The following PLCH2 variants were observed in gnomAD, a reference collection of about 807,000 sequenced individuals.
PLCH2 encodes the protein 1-phosphatidylinositol 4,5-bisphosphate phosphodiesterase eta-2.
Under a neutral mutation model 134.7 loss-of-function variants are expected in PLCH2, and 98 were observed. The observed-to-expected ratio is 0.73, with a 90% CI of 0.62 to 0.86. The LOEUF is 0.86. PLCH2 is among the 40% of genes least tolerant of loss of function. The probability of loss-of-function intolerance (pLI) is 0.00; values close to 1 mark genes in which losing one functional copy is unlikely to be tolerated. For synonymous variants in PLCH2, 974 were observed against 827.5 expected (o/e 1.18, Z -3.04); for missense variants, 1,994 against 1,986.6 (o/e 1.00, Z -0.07).
At chr1:2,459,634 C>T (rs541679937) in intron 2 of PLCH2, among the ~76,000 whole-genome samples, 1 of 30,732 alleles carries the variant, frequency 3.3e-5, no homozygotes, top group African/African-American at 1.1e-4. Context: ...TCCTCCTTGC[C>T]TGTGGTCTTC....
chr1:2,463,972 G>A (rs770716403), upstream of PLCH2, among the ~76,000 whole-genome samples: 9 of 152,226 alleles, frequency 5.9e-5, no homozygotes, highest in Non-Finnish European at 8.8e-5. Flanking sequence ...TGCCCTTCCC[G>A]GCTCCTGTCT....
chr1:2,496,431 C>G (rs1397060430), intron 13 of PLCH2, among the ~76,000 whole-genome samples, 176 bp from the exon 14 acceptor site: 1 of 152,246 alleles, frequency 6.6e-6, no homozygotes. Context: ...CAGCCCACAT[C>G]CTGCCCAGCA....
intron 15 of PLCH2, 101 bp from the exon 16 acceptor site, chr1:2,497,401 C>A (rs1389560732): frequency 2.7e-6 from 2 of 744,862 alleles, no homozygotes; most frequent in East Asian, 5.7e-5. Flanking sequence ...GGCAGATACG[C>A]GGCAGCTGTG....
chr1:2,422,533 T>C (rs75236747), upstream of PLCH2, among the ~76,000 whole-genome samples: 2,940 of 152,300 alleles, frequency 0.019, 40 homozygotes, highest in Non-Finnish European at 0.031. Flanking sequence ...TCTCTGATGG[T>C]ACACCCGGAC....
upstream of PLCH2, among the ~76,000 whole-genome samples, chr1:2,476,155 GC>G: frequency 1.3e-5 from 2 of 152,296 alleles, no homozygotes; most frequent in South Asian, 4.1e-4. Flanking sequence ...GTGGCCTGGG[GC>G]CTTGGGAAAC....
At chr1:2,488,955 G>A (rs1385453006) in intron 8 of PLCH2, among the ~76,000 whole-genome samples, 1 of 152,076 alleles carries the variant, frequency 6.6e-6, no homozygotes, top group Non-Finnish European at 1.5e-5. Context: ...TCTTATTGGG[G>A]AAAGCAGCTC....
At chr1:2,487,050 C>T (rs1642324167) in intron 6 of PLCH2, 50 bp downstream of exon 6, 1 of 1,532,712 alleles carries the variant, frequency 6.5e-7, no homozygotes, top group Admixed American at 1.9e-5. Flanking sequence ...GCTGGAGGGG[C>T]AACGAGGGCC....
chr1:2,478,287 G>T (rs1557994932), intron 1 of PLCH2, among the ~76,000 whole-genome samples, 189 bp from the exon 2 acceptor site: 1 of 152,210 alleles, frequency 6.6e-6, no homozygotes. Flanking sequence ...AGGTGGCCCT[G>T]GGCTCTGGCC....
At chr1:2,463,751 C>T (rs779145831), upstream of PLCH2, among the ~76,000 whole-genome samples, 6 of 152,204 alleles carry the variant, frequency 3.9e-5, no homozygotes, top group Admixed American at 6.5e-5. Flanking sequence ...CCCGCCAGAC[C>T]GCACTGAAGG....
chr1:2,493,440 G>GGA (rs1187418163), intron 11 of PLCH2: 1 of 152,298 alleles, frequency 6.6e-6, no homozygotes, highest in African/African-American at 2.4e-5. Flanking sequence ...TTCTGGAGGT[G>GGA]GAGAGAGACG....
chr1:2,434,053 G>A (rs1045367254), intron 2 of PLCH2, among the ~76,000 whole-genome samples: 7 of 152,222 alleles, frequency 4.6e-5, no homozygotes, highest in Non-Finnish European at 1.0e-4. Flanking sequence ...CACAGGCATC[G>A]CGCGTCCGGC....
intron 2 of PLCH2, among the ~76,000 whole-genome samples, chr1:2,455,999 C>T (rs563721219): frequency 3.9e-5 from 6 of 152,350 alleles, no homozygotes; most frequent in African/African-American, 1.4e-4. Flanking sequence ...GGTAGGAGCT[C>T]GGCAAGTGGT....
rs1369670431 is a variant in PLCH2 at position 2,444,496 on chromosome 1, G to A, written c.115+13867G>A. 6.6e-6 allele frequency among the ~76,000 whole-genome samples: 1 copy of A among 152,036 alleles called. No homozygotes were observed. The highest frequency in any genetic ancestry group is 1.5e-5 in the Non-Finnish European group (1 of 67,958). Reference sequence around the variant, plus strand: ...GCGGGAGCTCCGGAGGCCCTGGGGCGGCCCTGCTGGATGGTCTGTAGGACA... The same window carrying A: ...GCGGGAGCTCCGGAGGCCCTGGGGCAGCCCTGCTGGATGGTCTGTAGGACA... On this transcript the variant is annotated intron_variant, in intron 2 of 3. Transcript: ENST00000609981. The surrounding 1 kb of genome is among the most constrained non-coding windows in gnomAD (Gnocchi z 4.6).
chr1:2,499,001 G>A (rs1570483657), intron 18 of PLCH2, 83 bp from the exon 19 acceptor site: 6 of 1,498,388 alleles, frequency 4.0e-6, no homozygotes, highest in Non-Finnish European at 1.8e-6. Context: ...CACTGGGAGT[G>A]GTGTGGGCCG....
At chr1:2,497,754 C>G (rs567711686) in intron 16 of PLCH2, 145 bp downstream of exon 16, 3 of 562,708 alleles carry the variant, frequency 5.3e-6, no homozygotes, top group East Asian at 2.9e-5. Context: ...CAGGTTGGGA[C>G]GAAGCTCCCA....
At position 2,486,988 on chromosome 1, in the gene PLCH2, C is replaced by A. The variant is rs1483844623; in HGVS notation, c.898C>A (p.Leu300Met). 1 of 1,599,776 alleles carries A rather than the reference C, an allele frequency of 6.3e-7. No individual in the cohort carries two copies. Among genetic ancestry groups the A allele is most frequent in the Non-Finnish European group, 8.5e-7 (1 of 1,173,654 alleles). ...PCPENKSKGL[L>M]GIDGFTNYTR... The stretch of plus-strand genomic sequence containing the variant: ...CCCAGAAAACAAGAGTAAGGGGCTG[C>A]TGGGCATTGATGGTGAGTGGGGCGC... Residue 300 changes from leucine to methionine, a missense_variant, in exon 6 of 22, where the codon CTG (leucine) becomes ATG (methionine). By Grantham distance (15) the Leu-to-Met change is conservative. Transcript: ENST00000378486.
At chr1:2,452,875 C>T (rs1640312788) in intron 2 of PLCH2, among the ~76,000 whole-genome samples, 1 of 152,226 alleles carries the variant, frequency 6.6e-6, no homozygotes, top group African/African-American at 2.4e-5. Context: ...CGGAGCTCAG[C>T]AGAGCCTAGA....
chr1:2,465,617 C>G (rs1039641675), upstream of PLCH2, among the ~76,000 whole-genome samples: 11 of 152,222 alleles, frequency 7.2e-5, no homozygotes, highest in Non-Finnish European at 1.5e-5. Flanking sequence ...GGGCCAAATG[C>G]TCTCAAAGAC....
At position 2,504,391 on chromosome 1, in the gene PLCH2, T is replaced by TTCC. The variant is rs555614613; in HGVS notation, c.3439_3441dup (p.Ser1148dup). On this transcript the variant is annotated inframe_insertion, in exon 22 of 22. Coordinates refer to ENST00000378486, the MANE Select transcript of PLCH2 (RefSeq NM_014638.4). ...AGCCATGTGGCCACCGAGACAGCGT[T>TTCC]TCCTCCTCCTCCAGCATGTCATCCA... is the stretch of plus-strand genomic sequence containing the variant. 9.3e-6 allele frequency: 15 copies of TTCC among 1,611,458 alleles called. No homozygotes were observed. Among genetic ancestry groups the TTCC allele is most frequent in the Non-Finnish European group, 9.3e-6 (11 of 1,179,610 alleles).
Sources: allele counts gnomAD v4.1 joint callset (sites outside exome capture counted in the v4.1 genomes callset), GRCh38; gene constraint gnomAD v4.1.1; non-coding constraint Gnocchi (gnomAD v3.1); transcripts MANE v1.5; gene names NCBI Gene and HGNC (gene_info 2026-07-23, HGNC 2026-07-21).